The following IGSF9B variants were observed in gnomAD, a reference collection of about 807,000 sequenced individuals.
IGSF9B encodes immunoglobulin superfamily member 9B.
Under a neutral mutation model 143.7 loss-of-function variants are expected in IGSF9B, and 48 were observed. That is an observed-to-expected ratio of 0.33 (90% confidence interval 0.26 to 0.42). The LOEUF (loss-of-function observed/expected upper bound fraction) is 0.42. IGSF9B is among the 20% of genes least tolerant of loss of function. IGSF9B has a pLI of 1.00. For synonymous variants in IGSF9B, 903 were observed against 833.1 expected, an observed-to-expected ratio of 1.08 and a Z score of -1.44; for missense variants, 1,706 against 1,980.0, an observed-to-expected ratio of 0.86 and a Z score of 2.63.
chr11:133,916,652 C>T (rs113972458), intron 18 of IGSF9B, among the ~76,000 whole-genome samples: 2,303 of 152,264 alleles, frequency 0.015, 46 homozygotes, highest in African/African-American at 0.044. Context: ...GAAAGGAGAG[C>T]GGGCTTCTCT....
At position 133,920,352 on chromosome 11, in the gene IGSF9B, G is replaced by A. The variant is rs747817264; in HGVS notation, c.3373C>T (p.Pro1125Ser). 10 of 1,605,014 alleles carry A rather than the reference G, an allele frequency of 6.2e-6. No individual in the cohort carries two copies. The highest frequency in any genetic ancestry group is 1.7e-5 in the Admixed American group (1 of 58,342). Reference sequence around the variant, plus strand: ...CCTTGGCTTACCAGAGGTTGCATAGGTCTGTCCTGCCACTTGGCGGCGGGG... The same window carrying A: ...CCTTGGCTTACCAGAGGTTGCATAGATCTGTCCTGCCACTTGGCGGCGGGG... ...APPAAKWQDR[P>S]MQPLVSQGQL... The change falls in exon 18 of 20, where the codon CCT becomes TCT. Residue 1125 changes from proline to serine, a missense_variant. Physicochemically the swap from Pro to Ser is moderately conservative, Grantham distance 74. Around this residue, in one of 7 missense-constraint regions of IGSF9B, gnomAD observed 880 missense variants for 762.9 expected, o/e 1.15. Coordinates refer to ENST00000533871, the MANE Select transcript of IGSF9B (RefSeq NM_001277285.4).
At chr11:133,922,290 A>G (rs1479695071) in intron 16 of IGSF9B, 68 bp from the exon 17 acceptor site, 5 of 1,362,044 alleles carry the variant, frequency 3.7e-6, no homozygotes, top group Non-Finnish European at 5.2e-6. Flanking sequence ...GCGCATCTGC[A>G]GAGGCTGACA....
In IGSF9B at chr11:133,909,442, C is replaced by G. The variant is rs1481653402; in HGVS notation, c.4106-165G>C. On this transcript the variant is annotated intron_variant, in intron 19 of 19. Coordinates refer to ENST00000533871, the MANE Select transcript of IGSF9B (RefSeq NM_001277285.4). The surrounding 1 kb of genome is among the most constrained non-coding windows in gnomAD (Gnocchi z 4.2). ...GACCGAATTGCTGCAGAGAAACCAC[C>G]TTCTTTTCCGCCAAGACAACCAGCA... Among the ~76,000 whole-genome samples, 1 of 152,190 alleles carries G rather than the reference C, an allele frequency of 6.6e-6. No homozygotes were observed. Among genetic ancestry groups the G allele is most frequent in the Non-Finnish European group, 1.5e-5 (1 of 68,044 alleles).
rs1301108604 is a variant in IGSF9B, at chr11:133,902,130, A to ATG, written c.*6937_*6938dup. On this transcript the variant is annotated 3_prime_UTR_variant, in exon 20 of 20. Transcript: ENST00000533871. Reference sequence around the variant, plus strand: ...CACACACACACACCACACACAGTCCATGTACCACACCAAACACACCAGACA... The same window carrying ATG: ...CACACACACACACCACACACAGTCCATGTGTACCACACCAAACACACCAGACA... Among the ~76,000 whole-genome samples, 1 of 145,136 alleles carries ATG rather than the reference A, an allele frequency of 6.9e-6. No individual in the cohort carries two copies. Among genetic ancestry groups the ATG allele is most frequent in the Non-Finnish European group, 1.5e-5 (1 of 65,948 alleles).
rs542245265 is a variant in IGSF9B at position 133,939,979 on chromosome 11, T to C, written c.410-2018A>G. On this transcript the variant is annotated intron_variant, in intron 3 of 19. Transcript: ENST00000533871. ...GCATGTCCTCGCATGCGTCATCACATACAGAAACATACACCTTGCACGTCA... is the reference window on the plus strand; with the variant it reads ...GCATGTCCTCGCATGCGTCATCACACACAGAAACATACACCTTGCACGTCA... Among the ~76,000 whole-genome samples the C allele has an allele frequency of 2.1e-3, 260 of 125,642 alleles. 2 individuals are homozygous for C. Among genetic ancestry groups the C allele is most frequent in the African/African-American group, 7.7e-3 (253 of 32,668 alleles). 82.4% of individuals were successfully genotyped at this position (125,642 alleles called of 152,430 possible).
At chr11:133,911,609 T>C (rs886721964) in intron 19 of IGSF9B, among the ~76,000 whole-genome samples, 2 of 152,216 alleles carry the variant, frequency 1.3e-5, no homozygotes, top group African/African-American at 4.8e-5. Context: ...AAAACGACAG[T>C]TCTCCAGGTG....
At position 133,956,919 on chromosome 11, in the gene IGSF9B, G is replaced by T. The variant is rs1293841682; in HGVS notation, c.-165C>A. 2.6e-5 allele frequency: 10 copies of T among 389,922 alleles called. 1 individual carries two copies. The Admixed American group carries it at 4.1e-4, about 16-fold the overall frequency. The allele number at this position is 389,922 out of a possible 1,614,324, so 24.2% of individuals were successfully genotyped here. Reference sequence around the variant, plus strand: ...CAGCTCTCCATCCCTCCTAGGCTCCGCTCGGCTCGGCGCGCGCCTCCCCGG... The same window carrying T: ...CAGCTCTCCATCCCTCCTAGGCTCCTCTCGGCTCGGCGCGCGCCTCCCCGG... On this transcript the variant is annotated 5_prime_UTR_variant, in exon 1 of 20. Coordinates refer to ENST00000533871, the MANE Select transcript of IGSF9B (RefSeq NM_001277285.4).
Position 133,920,629 on chromosome 11 carries a change from T to A in IGSF9B, c.3096A>T (p.Thr1032=), listed in dbSNP as rs536634479. The stretch of plus-strand genomic sequence containing the variant: ...CCCAGGGCTCAGGGGAGCGCCCTCC[T>A]GTAGGTGTCTGAGTCAAGGGCAGCG... The part of the protein sequence containing the change: ...NSTLPLTQTP[T]GGRSPEPWGR... Residue 1032 remains threonine, a synonymous_variant, in exon 18 of 20, where the codon ACA becomes ACT. Transcript: ENST00000533871. 6.2e-7 allele frequency: 1 copy of A among 1,613,440 alleles called. No individual in the cohort carries two copies. The highest frequency in any genetic ancestry group is 2.2e-5 in the East Asian group (1 of 44,840).
intron 1 of IGSF9B, among the ~76,000 whole-genome samples, chr11:133,947,727 T>TCTCTCTCTCTCTCTCC (rs1940080411): frequency 6.6e-6 from 1 of 151,406 alleles, no homozygotes; most frequent in Non-Finnish European, 1.5e-5. Flanking sequence ...TCTCTCTCTC[T>TCTCTCTCTCTCTCTCC]CTCTCTCTCT....
chr11:133,941,054 T>G (rs1037681855), intron 3 of IGSF9B, among the ~76,000 whole-genome samples: 3 of 152,212 alleles, frequency 2.0e-5, no homozygotes, highest in African/African-American at 7.2e-5. Flanking sequence ...CATCCTGAAG[T>G]GACAAATTAC....
chr11:133,908,356 C>T lies in IGSF9B; in HGVS notation c.*713G>A, dbSNP rs1939242571. On this transcript the variant is annotated 3_prime_UTR_variant, in exon 20 of 20. Coordinates refer to ENST00000533871, the MANE Select transcript of IGSF9B (RefSeq NM_001277285.4). Reference sequence around the variant, plus strand: ...CCCCATAGAAGGCAGCCGGTAATCACAGCAAGGCCCCATTTCTGCTCTGGG... The same window carrying T: ...CCCCATAGAAGGCAGCCGGTAATCATAGCAAGGCCCCATTTCTGCTCTGGG... 6.6e-6 allele frequency among the ~76,000 whole-genome samples: 1 copy of T among 152,118 alleles called. No individual in the cohort carries two copies. Among genetic ancestry groups the T allele is most frequent in the African/African-American group, 2.4e-5 (1 of 41,424 alleles).
At chr11:133,946,664 C>A (rs997991062) in intron 1 of IGSF9B, among the ~76,000 whole-genome samples, 1 of 152,168 alleles carries the variant, frequency 6.6e-6, no homozygotes, top group East Asian at 1.9e-4. Flanking sequence ...TGGAGGCCCA[C>A]GGCACTGCCC....
chr11:133,937,558 A>G (rs1939847952), intron 4 of IGSF9B, 65 bp from the exon 5 acceptor site: 1 of 1,295,188 alleles, frequency 7.7e-7, no homozygotes, highest in Non-Finnish European at 1.1e-6. Context: ...ACCCTCAAAC[A>G]CGGAGATGCA....
Position 133,931,541 on chromosome 11 carries a change from C to A in IGSF9B, c.1280G>T (p.Gly427Val), listed in dbSNP as rs1939729909. The A allele has an allele frequency of 3.7e-6, 6 of 1,613,276 alleles. No homozygotes were observed. The highest frequency in any genetic ancestry group is 5.1e-6 in the Non-Finnish European group (6 of 1,179,844). ...GCCGGCCTCCTGCCTGTACTCCCAGCCTGGTAGCACCGTGAAATAGGGGGG... is the reference window on the plus strand; with the variant it reads ...GCCGGCCTCCTGCCTGTACTCCCAGACTGGTAGCACCGTGAAATAGGGGGG... ...KDPPYFTVLP[G>V]WEYRQEAGRE... Residue 427 changes from glycine (G) to valine (V), a missense_variant, in exon 10 of 20, where the codon GGC becomes GTC. Around this residue, in one of 7 missense-constraint regions of IGSF9B, gnomAD observed 238 missense variants for 452.6 expected, o/e 0.53. Coordinates refer to ENST00000533871, the MANE Select transcript of IGSF9B (RefSeq NM_001277285.4). The surrounding 1 kb of genome is among the most constrained non-coding windows in gnomAD (Gnocchi z 7.7).
chr11:133,947,974 T>C (rs982128073), intron 1 of IGSF9B, among the ~76,000 whole-genome samples: 5 of 152,130 alleles, frequency 3.3e-5, no homozygotes, highest in Non-Finnish European at 1.5e-5. Flanking sequence ...CCTCTGTCTC[T>C]TTCTCTCTAG....
rs1939481477 is a variant in IGSF9B at position 133,919,903 on chromosome 11, G to C, written c.3822C>G (p.Gly1274=). Residue 1274 remains glycine (G), a synonymous_variant, in exon 18 of 20, where the codon GGC becomes GGG. Coordinates refer to ENST00000533871, the MANE Select transcript of IGSF9B (RefSeq NM_001277285.4). ...GGTAGCCGGTGGCCAGAGTGGTGAA[G>C]CCCATGGCGGGCCGGTAGCTGGGAC... ...SGSPSYRPAM[G]FTTLATGYPS... 2 of 1,576,320 alleles carry C rather than the reference G, an allele frequency of 1.3e-6. No homozygotes were observed. The highest frequency in any genetic ancestry group is 2.7e-5 in the African/African-American group (2 of 73,606).
intron 3 of IGSF9B, 94 bp from the exon 4 acceptor site, chr11:133,938,055 G>T: frequency 2.2e-6 from 3 of 1,368,668 alleles, no homozygotes; most frequent in Non-Finnish European, 3.0e-6. Flanking sequence ...CCTCGCTGCG[G>T]CTCTGCGGAA....
rs1201244516 is a variant in IGSF9B, at chr11:133,953,816, C to T, written c.64+2875G>A. On this transcript the variant is annotated intron_variant, in intron 1 of 19. Transcript: ENST00000533871. The surrounding 1 kb of genome is among the most constrained non-coding windows in gnomAD (Gnocchi z 4.2). ...GCTGGCTCAGCAGCCGTCTGAGATA[C>T]TGAGTGCACACCAATCACTGTCTTC... Among the ~76,000 whole-genome samples the T allele has an allele frequency of 6.6e-6, 1 of 152,202 alleles. No individual in the cohort carries two copies. Among genetic ancestry groups the T allele is most frequent in the African/African-American group, 2.4e-5 (1 of 41,448 alleles).
intron 18 of IGSF9B, among the ~76,000 whole-genome samples, chr11:133,917,861 G>A: frequency 6.6e-6 from 1 of 152,046 alleles, no homozygotes; most frequent in East Asian, 1.9e-4. Flanking sequence ...TACCAGAGGG[G>A]CCCCAGAGAG....
Sources: allele counts gnomAD v4.1 joint callset (sites outside exome capture counted in the v4.1 genomes callset), GRCh38; gene constraint gnomAD v4.1.1; regional missense constraint gnomAD v4.1.1; non-coding constraint Gnocchi (gnomAD v3.1); transcripts MANE v1.5; gene names NCBI Gene and HGNC (gene_info 2026-07-23, HGNC 2026-07-21).